CMIP: variants seen among roughly 807,000 people sequenced by gnomAD.
The protein encoded by CMIP is c-Maf inducing protein, also known as C-Maf-inducing protein.
In CMIP, 13 loss-of-function variants were observed where a neutral mutation model predicts 97.3. The ratio of observed to expected loss-of-function variants is 0.13; its 90% CI spans 0.09 to 0.21. The LOEUF (loss-of-function observed/expected upper bound fraction) is 0.21, where lower values mean the gene tolerates loss of function less well. CMIP is among the 10% of genes least tolerant of loss of function. CMIP has a pLI of 1.00. For missense variants in CMIP, 847 were observed against 1,024.9 expected (o/e 0.83, Z 2.37); for synonymous variants, 538 against 436.3 (o/e 1.23, Z -2.91).
intron 1 of CMIP, among the ~76,000 whole-genome samples, chr16:81,522,468 G>GT (rs1490747972): frequency 6.6e-6 from 1 of 152,210 alleles, no homozygotes; most frequent in Non-Finnish European, 1.5e-5. Flanking sequence ...CTGGATTTTT[G>GT]TTAGAAGGGT....
intron 1 of CMIP, among the ~76,000 whole-genome samples, chr16:81,483,168 G>A (rs2089257363): frequency 6.6e-6 from 1 of 152,200 alleles, no homozygotes; most frequent in Non-Finnish European, 1.5e-5. Flanking sequence ...TTGGAATAGG[G>A]TGACCAAAGA....
intron 1 of CMIP, among the ~76,000 whole-genome samples, chr16:81,570,592 C>G (rs868138146): frequency 2.6e-5 from 4 of 152,196 alleles, no homozygotes; most frequent in Admixed American, 6.5e-5. Context: ...AGTCTCCAGA[C>G]TGATCCCCTT....
chr16:81,710,004 A>C lies in CMIP; in HGVS notation c.*205A>C. On this transcript the variant is annotated 3_prime_UTR_variant, in exon 21 of 21. Coordinates refer to ENST00000537098, the MANE Select transcript of CMIP (RefSeq NM_198390.3). ...CCCCGCCGAATTCTTTTAGCTTCGT[A>C]ATTGGAACCTTTGACCTGATCTAAA... 2.5e-6 allele frequency: 1 copy of C among 404,524 alleles called. No homozygotes were observed. 25.1% of individuals were successfully genotyped at this position (404,524 alleles called of 1,614,324 possible).
intron 1 of CMIP, among the ~76,000 whole-genome samples, chr16:81,551,557 A>G (rs1034692378): frequency 6.6e-6 from 1 of 152,240 alleles, no homozygotes; most frequent in Non-Finnish European, 1.5e-5. Context: ...AGGTGGCTGC[A>G]GTGTGTGCCT....
rs534443658 is a variant in CMIP, at chr16:81,699,913, G to C, written c.1755+112G>C. ...CTGCTGCAGGCACGGGGGGCAGTGG[G>C]TGAGGCGTGCAGTCCCAGCCGTCCT... On this transcript the variant is annotated intron_variant, in intron 15 of 20. Coordinates refer to ENST00000537098, the MANE Select transcript of CMIP (RefSeq NM_198390.3). 38 of 697,502 alleles carry C rather than the reference G, an allele frequency of 5.4e-5. No individual in the cohort carries two copies. The South Asian group carries it at 6.4e-4, about 12-fold the overall frequency. The allele number at this position is 697,502 out of a possible 1,614,324, so 43.2% of individuals were successfully genotyped here.
chr16:81,705,482 G>C lies in CMIP; in HGVS notation c.2092-17G>C. On this transcript the variant is annotated splice_polypyrimidine_tract_variant and intron_variant, in intron 18 of 20. Transcript: ENST00000537098. ...AGGAGTGGCCGGGAGAGGGCTGAGA[G>C]TTTCTGTGCTCTACAGTTTGGAGAC... 1.3e-6 allele frequency: 2 copies of C among 1,569,592 alleles called. No homozygotes were observed. Among genetic ancestry groups the C allele is most frequent in the Admixed American group, 1.8e-5 (1 of 55,786 alleles).
chr16:81,496,376 GAAGT>G (rs2089491188), intron 1 of CMIP, among the ~76,000 whole-genome samples: 1 of 152,210 alleles, frequency 6.6e-6, no homozygotes, highest in Non-Finnish European at 1.5e-5. Flanking sequence ...GGGAAACAAG[GAAGT>G]AAGTGAAACC....
At chr16:81,536,565 C>G (rs76543109) in intron 1 of CMIP, among the ~76,000 whole-genome samples, 3,652 of 152,304 alleles carry the variant, frequency 0.024, 73 homozygotes, top group Non-Finnish European at 0.04. Flanking sequence ...CACAACCCGT[C>G]TCCGGAACCT....
At position 81,523,838 on chromosome 16, in the gene CMIP, G is replaced by A. The variant is rs1277314246; in HGVS notation, c.300+78297G>A. ...CTCAGACACAGCTTCCTTTAGCTAG[G>A]AGCCTGGATGTAACACCCAGCTCAT... On this transcript the variant is annotated intron_variant, in intron 1 of 20. Coordinates refer to ENST00000537098, the MANE Select transcript of CMIP (RefSeq NM_198390.3). 2.0e-5 allele frequency among the ~76,000 whole-genome samples: 3 copies of A among 152,182 alleles called. No homozygotes were observed. The East Asian group carries it at 5.8e-4, about 29-fold the overall frequency.
chr16:81,457,731 G>T (rs1170420127), intron 1 of CMIP, among the ~76,000 whole-genome samples: 1 of 152,220 alleles, frequency 6.6e-6, no homozygotes, highest in Non-Finnish European at 1.5e-5. Flanking sequence ...ACAGAGCTGG[G>T]AACTCCTGCA....
rs142298506 is a variant in CMIP, at chr16:81,568,217, G to C, written c.301-39350G>C. Among the ~76,000 whole-genome samples, 267 of 152,118 alleles carry C rather than the reference G, an allele frequency of 1.8e-3. 1 individual carries two copies. Among genetic ancestry groups the C allele is most frequent in the African/African-American group, 6.0e-3 (247 of 41,486 alleles). On this transcript the variant is annotated intron_variant, in intron 1 of 20. Coordinates refer to ENST00000537098, the MANE Select transcript of CMIP (RefSeq NM_198390.3). ...CGGTTTGTCTTTCTGCCTTTTCATT[G>C]CAACTCCAGGGGGAGAGGGACCCTC... is the stretch of plus-strand genomic sequence containing the variant.
At chr16:81,503,973 C>T (rs2089658548) in intron 1 of CMIP, among the ~76,000 whole-genome samples, 1 of 152,204 alleles carries the variant, frequency 6.6e-6, no homozygotes, top group South Asian at 2.1e-4. Context: ...TGCCAACTGT[C>T]ATTTTATAAA....
chr16:81,640,565 C>A (rs767298619), intron 3 of CMIP, among the ~76,000 whole-genome samples: 3 of 152,164 alleles, frequency 2.0e-5, no homozygotes, highest in Non-Finnish European at 4.4e-5. Flanking sequence ...TTTGTTCTCA[C>A]ACAATTCTGG....
At chr16:81,470,320 C>G (rs977882565) in intron 1 of CMIP, among the ~76,000 whole-genome samples, 9 of 152,204 alleles carry the variant, frequency 5.9e-5, no homozygotes, top group African/African-American at 2.2e-4. Flanking sequence ...CAGCTTGGGT[C>G]CAGAGCCTTC....
chr16:81,500,070 C>T (rs2089568800), intron 1 of CMIP, among the ~76,000 whole-genome samples: 1 of 152,126 alleles, frequency 6.6e-6, no homozygotes, highest in Admixed American at 6.5e-5. Flanking sequence ...CCTTCTTCAG[C>T]CACTCCTTGG....
rs534306848 is a variant in CMIP at position 81,563,323 on chromosome 16, C to G, written c.301-44244C>G. Among the ~76,000 whole-genome samples the G allele has an allele frequency of 2.2e-3, 328 of 152,344 alleles. 1 individual carries two copies. Among genetic ancestry groups the G allele is most frequent in the Non-Finnish European group, 2.7e-3 (185 of 68,032 alleles). On this transcript the variant is annotated intron_variant, in intron 1 of 20. Transcript: ENST00000537098. The stretch of plus-strand genomic sequence containing the variant: ...ACCTTGGAGCCAGAAGTCCTGAGTT[C>G]AAATCCCAGCTCTGCCTCTTTCTGT...
intron 1 of CMIP, among the ~76,000 whole-genome samples, chr16:81,513,091 G>T (rs149654966): frequency 1.7e-4 from 26 of 152,320 alleles, no homozygotes; most frequent in African/African-American, 6.3e-4. Flanking sequence ...GCTCCGGTTG[G>T]CCCATTTTTG....
chr16:81,638,272 A>G (rs1339753698), intron 3 of CMIP, among the ~76,000 whole-genome samples: 3 of 152,160 alleles, frequency 2.0e-5, no homozygotes, highest in Non-Finnish European at 4.4e-5. Context: ...GCATTCACAG[A>G]TGGCAGGGGT....
intron 3 of CMIP, among the ~76,000 whole-genome samples, chr16:81,624,013 C>G (rs1429345180): frequency 1.3e-5 from 2 of 152,128 alleles, no homozygotes; most frequent in Non-Finnish European, 1.5e-5. Flanking sequence ...GACATAACCC[C>G]TCTGCTTCTG....
Sources: allele counts gnomAD v4.1 joint callset (sites outside exome capture counted in the v4.1 genomes callset), GRCh38; gene constraint gnomAD v4.1.1; transcripts MANE v1.5; gene names NCBI Gene and HGNC (gene_info 2026-07-23, HGNC 2026-07-21).